DCHS2: variants seen among roughly 807,000 people sequenced by gnomAD.
DCHS2 encodes dachsous cadherin-related 2, also known as protocadherin-23.
A neutral mutation model predicts 182.4 loss-of-function variants in DCHS2; 142 were observed. That is an observed-to-expected ratio of 0.78 (90% CI 0.68 to 0.89). The LOEUF (loss-of-function observed/expected upper bound fraction) is 0.89, where lower values mean the gene tolerates loss of function less well. Ranked by LOEUF, DCHS2 falls within the 40% of genes least tolerant of loss-of-function variation. The pLI is 0.00. For missense variants in DCHS2, 4,319 were observed against 4,198.6 expected (o/e 1.03, Z -0.79); for synonymous variants, 1,740 against 1,663.3 (o/e 1.05, Z -1.12).
Position 154,334,973 on chromosome 4 carries a change from T to C in DCHS2, c.2608A>G (p.Thr870Ala), listed in dbSNP as rs139016725. Residue 870 changes from threonine to alanine, a missense_variant, in exon 4 of 20, where the codon ACT becomes GCT. By Grantham distance (58) the Thr-to-Ala change is moderately conservative. Coordinates refer to ENST00000357232, the MANE Select transcript of DCHS2 (RefSeq NM_001358235.2). The stretch of plus-strand genomic sequence containing the variant: ...CTTTCAAACTCAGCAGGTGCCAGAG[T>C]TGTCTGGAAAATGTGTATGGTGACA... The part of the protein sequence containing the change: ...ADVTIHIFQT[T>A]LAPAEFERPK... The C allele has an allele frequency of 1.8e-4, 287 of 1,614,054 alleles. 1 individual carries two copies. In the African/African-American group the frequency reaches 3.3e-3, roughly 18 times the overall value.
At chr4:154,276,918 C>T (rs1733877121) in intron 13 of DCHS2, among the ~76,000 whole-genome samples, 1 of 152,188 alleles carries the variant, frequency 6.6e-6, no homozygotes, top group South Asian at 2.1e-4. Flanking sequence ...TTTTGTGCTA[C>T]AATCCCATTT....
chr4:154,417,752 A>T (rs925950457), intron 1 of DCHS2, among the ~76,000 whole-genome samples: 4 of 152,228 alleles, frequency 2.6e-5, no homozygotes, highest in Admixed American at 1.3e-4. Context: ...TCTTAGGAAG[A>T]CCTGGAAAAC....
chr4:154,469,905 C>A (rs923334943), intron 1 of DCHS2, among the ~76,000 whole-genome samples: 7 of 152,170 alleles, frequency 4.6e-5, no homozygotes, highest in Non-Finnish European at 7.4e-5. Context: ...GCCCATCCTG[C>A]TGTTTTTATT....
chr4:154,234,389 T>C lies in DCHS2; in HGVS notation c.*147A>G. 1.7e-6 allele frequency: 2 copies of C among 1,164,538 alleles called. No homozygotes were observed. The highest frequency in any genetic ancestry group is 3.1e-5 in the Admixed American group (1 of 32,158). 72.1% of individuals were successfully genotyped at this position (1,164,538 alleles called of 1,614,324 possible). A position where few individuals can be genotyped will look rare whatever the true frequency, so the allele number is the denominator to read the frequency against. ...TAAGGCTGGAAGAAATTGGAGAAAC[T>C]TTAATGGGGAAGTTTTAAAAACTCT... On this transcript the variant is annotated 3_prime_UTR_variant, in exon 20 of 20. Coordinates refer to ENST00000357232, the MANE Select transcript of DCHS2 (RefSeq NM_001358235.2).
At position 154,306,508 on chromosome 4, in the gene DCHS2, G is replaced by T. The variant is rs987793218; in HGVS notation, c.5261-1277C>A. 2.0e-4 allele frequency among the ~76,000 whole-genome samples: 31 copies of T among 152,032 alleles called. 1 individual carries two copies. The highest frequency in any genetic ancestry group is 6.8e-3 in the Middle Eastern group (2 of 292). ...CTATCTCTGCCTACATTATAAAAAT[G>T]GGAACAATATTATCTTATATTTACT... On this transcript the variant is annotated intron_variant, in intron 10 of 19. Coordinates refer to ENST00000357232, the MANE Select transcript of DCHS2 (RefSeq NM_001358235.2).
chr4:154,298,897 T>C, intron 12 of DCHS2, 189 bp from the exon 13 acceptor site: 1 of 726,840 alleles, frequency 1.4e-6, no homozygotes, highest in Non-Finnish European at 2.0e-6. Flanking sequence ...CTCATGAAAC[T>C]TCTATTGAGG....
At chr4:154,489,183 G>C in intron 1 of DCHS2, 121 bp downstream of exon 1, 2 of 862,092 alleles carry the variant, frequency 2.3e-6, no homozygotes, top group Non-Finnish European at 3.5e-6. Flanking sequence ...GGGCACTACC[G>C]CCAGTCTTGT....
chr4:154,257,108 C>T (rs533714680), intron 15 of DCHS2, among the ~76,000 whole-genome samples: 2 of 152,230 alleles, frequency 1.3e-5, no homozygotes, highest in South Asian at 2.1e-4. Context: ...ATTAGCTGGG[C>T]GTGGTGGCAT....
chr4:154,343,527 C>T, intron 3 of DCHS2: 1 of 1,520,138 alleles, frequency 6.6e-7, no homozygotes, highest in South Asian at 1.3e-5. Flanking sequence ...TCCATCAGCA[C>T]TTGCTGCTTC....
intron 10 of DCHS2, among the ~76,000 whole-genome samples, 199 bp downstream of exon 10, chr4:154,315,549 A>C (rs1735820899): frequency 6.6e-6 from 1 of 152,216 alleles, no homozygotes; most frequent in African/African-American, 2.4e-5. Context: ...AAGTTAATAC[A>C]AGCAAATCTT....
intron 1 of DCHS2, among the ~76,000 whole-genome samples, chr4:154,445,630 G>C (rs894669324): frequency 4.6e-5 from 7 of 152,102 alleles, no homozygotes; most frequent in African/African-American, 1.7e-4. Context: ...GCAACATAGT[G>C]TGACCCTGTC....
chr4:154,304,819 C>T lies in DCHS2; in HGVS notation c.5455G>A (p.Val1819Ile). The change falls in exon 12 of 20, where the codon GTT becomes ATT. Residue 1819 changes from valine (V) to isoleucine (I), a missense_variant. Val to Ile is a conservative substitution (Grantham distance 29). Coordinates refer to ENST00000357232, the MANE Select transcript of DCHS2 (RefSeq NM_001358235.2). ...LSSTTTILCT[V>I]EDENDHAPEF... ...GGTGCGTGATCGTTTTCATCTTCAA[C>T]AGTGCAGAGGATTGTTGTGGTGCTG... is the stretch of plus-strand genomic sequence containing the variant. 6.2e-7 allele frequency: 1 copy of T among 1,613,846 alleles called. No individual in the cohort carries two copies. The highest frequency in any genetic ancestry group is 1.1e-5 in the South Asian group (1 of 91,042).
At position 154,349,200 on chromosome 4, in the gene DCHS2, A is replaced by T. The variant is rs1321177175; in HGVS notation, c.2477-14096T>A. ...CAGAAGTGGCTGGCTTTATAGACAG[A>T]AAAGGAAAACAGAAACAGGGAACAA... On this transcript the variant is annotated intron_variant, in intron 3 of 19. Transcript: ENST00000357232. Among the ~76,000 whole-genome samples, 3 of 150,604 alleles carry T rather than the reference A, an allele frequency of 2.0e-5. No individual in the cohort carries two copies. The East Asian group carries it at 5.8e-4, about 29-fold the overall frequency.
intron 1 of DCHS2, among the ~76,000 whole-genome samples, chr4:154,386,720 G>T (rs1208277485): frequency 6.6e-6 from 1 of 152,058 alleles, no homozygotes; most frequent in African/African-American, 2.4e-5. Flanking sequence ...AATGTTTGTT[G>T]CATGAATTAA....
At chr4:154,302,263 A>G (rs1735218397) in intron 12 of DCHS2, among the ~76,000 whole-genome samples, 2 of 152,254 alleles carry the variant, frequency 1.3e-5, no homozygotes. Context: ...TAAAAAAATC[A>G]TATTTCAAAC....
chr4:154,386,034 C>G (rs370461520), intron 1 of DCHS2, among the ~76,000 whole-genome samples: 2 of 152,170 alleles, frequency 1.3e-5, no homozygotes, highest in East Asian at 1.9e-4. Flanking sequence ...AAGGGAACTC[C>G]TGATTCCCAC....
intron 1 of DCHS2, among the ~76,000 whole-genome samples, chr4:154,401,424 C>T (rs1351857472): frequency 6.6e-6 from 1 of 152,136 alleles, no homozygotes; most frequent in Non-Finnish European, 1.5e-5. Context: ...ACCCATCTAA[C>T]TGCTACAGAA....
chr4:154,234,976 G>A lies in DCHS2; in HGVS notation c.9676C>T (p.His3226Tyr). The A allele has an allele frequency of 5.6e-6, 9 of 1,614,056 alleles. No individual in the cohort carries two copies. The highest frequency in any genetic ancestry group is 7.6e-6 in the Non-Finnish European group (9 of 1,179,958). ...CAGTGATAGTTGTCTTTTCCATCAT[G>A]ATCAGAGGTCGTCTGAGTTGAAAGA... ...AALSTQTTSDHDGKDNYHWNY... is the reference protein window; with the variant it reads ...AALSTQTTSDYDGKDNYHWNY... Residue 3226 changes from histidine (H) to tyrosine (Y), a missense_variant, in exon 20 of 20, where the codon CAT becomes TAT. His to Tyr is a moderately conservative substitution (Grantham distance 83). Coordinates refer to ENST00000357232, the MANE Select transcript of DCHS2 (RefSeq NM_001358235.2).
Position 154,490,734 on chromosome 4 carries a change from G to T in DCHS2, c.622C>A (p.Gln208Lys). 1 of 1,551,630 alleles carries T rather than the reference G, an allele frequency of 6.4e-7. No homozygotes were observed. The highest frequency in any genetic ancestry group is 2.4e-5 in the East Asian group (1 of 40,904). Residue 208 changes from glutamine to lysine, a missense_variant, in exon 1 of 20, where the codon CAA (glutamine) becomes AAA (lysine). Gln to Lys is a moderately conservative substitution (Grantham distance 53). Transcript: ENST00000357232. ...GGGTCCTTGGGCAGGTCGGACGGTT[G>T]CACCAGGGTGTAGCCCTGAGTGCTG... Reference protein sequence around the residue: ...LFSTQGYTLVQPSDLPKDPAG... With the variant: ...LFSTQGYTLVKPSDLPKDPAG...
Sources: allele counts gnomAD v4.1 joint callset (sites outside exome capture counted in the v4.1 genomes callset), GRCh38; gene constraint gnomAD v4.1.1; transcripts MANE v1.5; gene names NCBI Gene and HGNC (gene_info 2026-07-23, HGNC 2026-07-21).